TUSC3: variants seen among roughly 807,000 people sequenced by gnomAD.
TUSC3 encodes the protein tumor suppressor candidate 3, also known as dolichyl-diphosphooligosaccharide--protein glycosyltransferase subunit TUSC3.
A neutral mutation model predicts 44.8 loss-of-function variants in TUSC3; 45 were observed. The observed-to-expected ratio is 1.00, with a 90% confidence interval of 0.79 to 1.29. The LOEUF is 1.29. Among genes scored for constraint, TUSC3 ranks in the 50% most tolerant of loss-of-function variants. The pLI is 0.00. For missense variants in TUSC3, 519 were observed against 437.9 expected (o/e 1.19, Z -1.65); for synonymous variants, 212 against 152.9 (o/e 1.39, Z -2.85).
chr8:15,850,352 C>A, the TUSC3 span, among the ~76,000 whole-genome samples: 1 of 152,058 alleles, frequency 6.6e-6, no homozygotes, highest in Non-Finnish European at 1.5e-5. Flanking sequence ...TAGGTTTGTT[C>A]TCCCATAGTT....
intron 2 of TUSC3, among the ~76,000 whole-genome samples, chr8:15,522,232 CTTTG>C (rs1801308767): frequency 6.6e-6 from 1 of 150,682 alleles, no homozygotes; most frequent in African/African-American, 2.4e-5. Flanking sequence ...GTATTCAGCC[CTTTG>C]TTTTTTTTTT....
At chr8:15,672,535 C>T (rs996262954) in intron 5 of TUSC3, among the ~76,000 whole-genome samples, 1 of 151,972 alleles carries the variant, frequency 6.6e-6, no homozygotes, top group Non-Finnish European at 1.5e-5. Flanking sequence ...ATCTGCAACT[C>T]GAGTATTATA....
At chr8:15,549,659 G>A (rs954330819) in intron 1 of TUSC3, among the ~76,000 whole-genome samples, 8 of 151,602 alleles carry the variant, frequency 5.3e-5, no homozygotes, top group South Asian at 4.2e-4. Context: ...CTCCCTTAAG[G>A]AAGGGAGAAT....
At chr8:15,551,753 G>A (rs565090889) in intron 1 of TUSC3, among the ~76,000 whole-genome samples, 2 of 151,756 alleles carry the variant, frequency 1.3e-5, no homozygotes, top group African/African-American at 4.8e-5. Context: ...ATAAGGGTAA[G>A]AAACAAAATA....
At chr8:15,804,798 G>C in the TUSC3 span, among the ~76,000 whole-genome samples, 857 of 152,132 alleles carry the variant, frequency 5.6e-3, 7 homozygotes, top group Middle Eastern at 0.01. Context: ...GGATTGTTTT[G>C]GCTATGTTGA....
intron 1 of TUSC3, among the ~76,000 whole-genome samples, chr8:15,421,431 A>G (rs1021442792): frequency 6.6e-6 from 1 of 152,042 alleles, no homozygotes. Context: ...TCATTTGCCA[A>G]CCTCTTCACT....
intron 2 of TUSC3, among the ~76,000 whole-genome samples, chr8:15,533,494 C>T (rs13279288): frequency 1.3e-5 from 2 of 151,918 alleles, no homozygotes; most frequent in Non-Finnish European, 2.9e-5. Flanking sequence ...GAAATTCAAC[C>T]GAACTGTTTT....
chr8:15,749,196 T>A (rs1450930306), intron 9 of TUSC3, among the ~76,000 whole-genome samples: 1 of 152,148 alleles, frequency 6.6e-6, no homozygotes, highest in Non-Finnish European at 1.5e-5. Flanking sequence ...AAAAGCTCAG[T>A]ATTTCCTTTT....
the TUSC3 span, among the ~76,000 whole-genome samples, chr8:15,838,457 C>T: frequency 6.6e-6 from 1 of 152,138 alleles, no homozygotes; most frequent in Admixed American, 6.6e-5. Flanking sequence ...TCTACCATTA[C>T]CCCTCTTTTC....
chr8:15,708,200 A>C (rs981078925), intron 6 of TUSC3, among the ~76,000 whole-genome samples: 1 of 151,842 alleles, frequency 6.6e-6, no homozygotes, highest in South Asian at 2.1e-4. Context: ...AAAATACCCA[A>C]AGGCCTAGAG....
At chr8:15,847,779 AT>A in the TUSC3 span, among the ~76,000 whole-genome samples, 1 of 152,286 alleles carries the variant, frequency 6.6e-6, no homozygotes, top group Non-Finnish European at 1.5e-5. Context: ...TAGAGTAGCA[AT>A]GGGGGCCATC....
upstream of TUSC3, among the ~76,000 whole-genome samples, chr8:15,536,930 C>G (rs926776640): frequency 6.6e-6 from 1 of 151,948 alleles, no homozygotes; most frequent in African/African-American, 2.4e-5. Flanking sequence ...CATTCTGACT[C>G]TGGCATAATA....
the TUSC3 span, among the ~76,000 whole-genome samples, chr8:15,812,708 G>A: frequency 1.3e-5 from 2 of 152,146 alleles, no homozygotes; most frequent in African/African-American, 4.8e-5. Context: ...AATAGTACAT[G>A]AGTGTAGATC....
chr8:15,711,812 T>C lies in TUSC3; in HGVS notation c.799-18854T>C, dbSNP rs79044955. On this transcript the variant is annotated intron_variant, in intron 6 of 10. Transcript: ENST00000503731. ...AAGCTTTCCACTTGAGAATTTTAAT[T>C]GACAATTAGAATTACTCTATAGTTT... 3.3e-3 allele frequency among the ~76,000 whole-genome samples: 499 copies of C among 152,004 alleles called. 9 individuals are homozygous for C. The East Asian group carries it at 0.033, about 10-fold the overall frequency.
chr8:15,830,098 A>T, the TUSC3 span, among the ~76,000 whole-genome samples: 4 of 149,236 alleles, frequency 2.7e-5, no homozygotes, highest in Non-Finnish European at 4.4e-5. Context: ...TCTTCTTTTG[A>T]GAAATGTCTG....
At chr8:15,712,910 C>A (rs1809914481) in intron 6 of TUSC3, among the ~76,000 whole-genome samples, 1 of 152,132 alleles carries the variant, frequency 6.6e-6, no homozygotes, top group Non-Finnish European at 1.5e-5. Context: ...ACAGTTCAGT[C>A]TGGCTCCTTT....
At chr8:15,519,074 T>C (rs1801259359) in intron 2 of TUSC3, among the ~76,000 whole-genome samples, 1 of 152,202 alleles carries the variant, frequency 6.6e-6, no homozygotes, top group East Asian at 1.9e-4. Flanking sequence ...TTTTGGCTCA[T>C]TGATTTGGCT....
At chr8:15,551,137 TAAATGCAGAA>T (rs925357078) in intron 1 of TUSC3, among the ~76,000 whole-genome samples, 4 of 151,770 alleles carry the variant, frequency 2.6e-5, no homozygotes, top group African/African-American at 9.7e-5. Context: ...CTGAACATGG[TAAATGCAGAA>T]AAAGTTTCCC....
chr8:15,642,891 T>A lies in TUSC3; in HGVS notation c.309-7806T>A, dbSNP rs1344988104. Among the ~76,000 whole-genome samples the A allele has an allele frequency of 2.0e-5, 3 of 152,342 alleles. No individual in the cohort carries two copies. The East Asian group carries it at 5.8e-4, about 29-fold the overall frequency. The stretch of plus-strand genomic sequence containing the variant: ...AACATTGAATTAATTCACCCATTTA[T>A]TCATTTATTTGCTAATTCTTTATTA... On this transcript the variant is annotated intron_variant, in intron 2 of 10. Transcript: ENST00000503731.
Sources: allele counts gnomAD v4.1 joint callset (sites outside exome capture counted in the v4.1 genomes callset), GRCh38; gene constraint gnomAD v4.1.1; transcripts MANE v1.5; gene names NCBI Gene and HGNC (gene_info 2026-07-23, HGNC 2026-07-21).